The following CCDC7 variants were observed in gnomAD, a reference collection of about 807,000 sequenced individuals.
CCDC7 encodes the protein coiled-coil domain containing 7, also known as coiled-coil domain-containing protein 7.
In CCDC7, 183 loss-of-function variants were observed where a neutral mutation model predicts 196.9. The ratio of observed to expected loss-of-function variants is 0.93; its 90% CI spans 0.82 to 1.05. The LOEUF (loss-of-function observed/expected upper bound fraction) is 1.05. Ranked by LOEUF, CCDC7 falls within the 50% of genes least tolerant of loss-of-function variation. The pLI is 0.00. For missense variants in CCDC7, 1,540 were observed against 1,482.2 expected (o/e 1.04, Z -0.64); for synonymous variants, 525 against 484.6 (o/e 1.08, Z -1.10).
At chr10:32,501,593 C>T (rs1195775847) in intron 9 of CCDC7, among the ~76,000 whole-genome samples, 1 of 152,176 alleles carries the variant, frequency 6.6e-6, no homozygotes, top group East Asian at 1.9e-4. Context: ...TTCTAACAGA[C>T]CCCTCTGCTG....
chr10:32,511,750 C>G, intron 9 of CCDC7: 2 of 1,551,342 alleles, frequency 1.3e-6, no homozygotes, highest in Non-Finnish European at 1.8e-6. Context: ...TTATGGCTGA[C>G]TCACGGCCTT....
chr10:32,675,461 C>A (rs1455261704), intron 21 of CCDC7, among the ~76,000 whole-genome samples: 1 of 152,102 alleles, frequency 6.6e-6, no homozygotes, highest in Non-Finnish European at 1.5e-5. Context: ...ACTTTATATT[C>A]TGTATCCATT....
chr10:32,527,255 C>A (rs2048818730), intron 11 of CCDC7, among the ~76,000 whole-genome samples: 1 of 152,186 alleles, frequency 6.6e-6, no homozygotes, highest in South Asian at 2.1e-4. Context: ...TGCACAGATT[C>A]TTTCTCCACC....
chr10:32,854,797 A>T (rs890843932), intron 41 of CCDC7, among the ~76,000 whole-genome samples: 1 of 152,202 alleles, frequency 6.6e-6, no homozygotes, highest in African/African-American at 2.4e-5. Flanking sequence ...ATGTGAATGC[A>T]TCCTAATTTA....
chr10:32,631,118 CT>C (rs2064801855), intron 18 of CCDC7, among the ~76,000 whole-genome samples: 1 of 152,192 alleles, frequency 6.6e-6, no homozygotes, highest in African/African-American at 2.4e-5. Context: ...GATGAAACCT[CT>C]AGATGATGGT....
chr10:32,592,146 G>C (rs2059837984), intron 18 of CCDC7, among the ~76,000 whole-genome samples: 1 of 152,080 alleles, frequency 6.6e-6, no homozygotes, highest in South Asian at 2.1e-4. Context: ...TTGTTTTACA[G>C]TTGTGCATTG....
intron 21 of CCDC7, among the ~76,000 whole-genome samples, chr10:32,664,502 C>T (rs1420199255): frequency 2.0e-5 from 3 of 152,180 alleles, no homozygotes; most frequent in Middle Eastern, 3.4e-3. Context: ...CTTCAGTCCT[C>T]CCACCATCAG....
intron 2 of CCDC7, among the ~76,000 whole-genome samples, chr10:32,454,038 C>T (rs1476852555): frequency 6.6e-6 from 1 of 152,104 alleles, no homozygotes; most frequent in African/African-American, 2.4e-5. Flanking sequence ...GAACAAACTA[C>T]TGACACATAG....
chr10:32,596,302 C>G (rs1252008352), intron 18 of CCDC7, among the ~76,000 whole-genome samples: 1 of 152,134 alleles, frequency 6.6e-6, no homozygotes, highest in African/African-American at 2.4e-5. Context: ...CCTTCTTTGT[C>G]TCTTTTTATC....
intron 13 of CCDC7, among the ~76,000 whole-genome samples, chr10:32,564,572 A>T (rs9730847): frequency 0.13 from 20,060 of 149,854 alleles, 1,547 homozygotes; most frequent in African/African-American, 0.22. Flanking sequence ...AACACCGCAT[A>T]TTCTCACTCA....
upstream of CCDC7, among the ~76,000 whole-genome samples, chr10:32,444,025 G>C (rs1225590417): frequency 6.6e-6 from 1 of 152,140 alleles, no homozygotes; most frequent in Non-Finnish European, 1.5e-5. Context: ...TCTGGAAATT[G>C]TATGTTGTCT....
intron 13 of CCDC7, among the ~76,000 whole-genome samples, chr10:32,548,450 G>A (rs956199620): frequency 6.6e-6 from 1 of 152,172 alleles, no homozygotes; most frequent in South Asian, 2.1e-4. Flanking sequence ...GTGAACTACT[G>A]ATTAGAACTG....
At chr10:32,663,666 A>G (rs1205420656) in intron 20 of CCDC7, among the ~76,000 whole-genome samples, 1 of 152,044 alleles carries the variant, frequency 6.6e-6, no homozygotes, top group Non-Finnish European at 1.5e-5. Flanking sequence ...ATACCTTTTT[A>G]TTAACCAATT....
At chr10:32,711,710 C>T in exon 25 of CCDC7, 1 of 1,580,316 alleles carries the variant, frequency 6.3e-7, no homozygotes, top group Non-Finnish European at 8.6e-7. Context: ...CAAGAAACTT[C>T]TGAAGGAGAA....
intron 9 of CCDC7, 52 bp downstream of exon 10, chr10:32,492,049 CA>C: frequency 6.8e-7 from 1 of 1,464,350 alleles, no homozygotes; most frequent in Non-Finnish European, 9.0e-7. Flanking sequence ...TAAAAAAAGA[CA>C]GATAAAATTG....
rs192680303 is a variant in CCDC7 at position 32,730,024 on chromosome 10, G to A, written c.2905+567G>A. 6.6e-5 allele frequency among the ~76,000 whole-genome samples: 10 copies of A among 152,186 alleles called. No homozygotes were observed. In the East Asian group the frequency reaches 1.4e-3, roughly 21 times the overall value. ...TTGAATTTTAAGTTCTGGGGTACAT[G>A]TCCAGGGTGTGCAGGTTTGTTACAT... On this transcript the variant is annotated intron_variant, in intron 28 of 41. Transcript: ENST00000639629.
chr10:32,754,801 A>G (rs978604462), intron 28 of CCDC7, among the ~76,000 whole-genome samples: 7 of 152,114 alleles, frequency 4.6e-5, no homozygotes, highest in African/African-American at 1.4e-4. Flanking sequence ...ACAGAGTGTG[A>G]GCTGAAGCAG....
At chr10:32,638,529 C>T (rs2139737084) in intron 20 of CCDC7, among the ~76,000 whole-genome samples, 1 of 152,236 alleles carries the variant, frequency 6.6e-6, no homozygotes, top group East Asian at 1.9e-4. Flanking sequence ...TGCTGGATTA[C>T]ATTTATTGAT....
intron 28 of CCDC7, among the ~76,000 whole-genome samples, chr10:32,764,984 A>G (rs2078039901): frequency 6.6e-6 from 1 of 150,826 alleles, no homozygotes; most frequent in African/African-American, 2.4e-5. Flanking sequence ...AAGTGACACA[A>G]ATGGTCAGTC....
Sources: gnomAD v4.1 joint callset for allele counts (sites outside exome capture counted in the v4.1 genomes callset) on GRCh38, gnomAD v4.1.1 for gene constraint, MANE v1.5 for transcripts, NCBI Gene and HGNC (gene_info 2026-07-23, HGNC 2026-07-21) for gene names.